The following BMP2K variants were observed in gnomAD, a reference collection of about 807,000 sequenced individuals.
The protein encoded by BMP2K is BMP-2-inducible protein kinase.
A neutral mutation model predicts 116.0 loss-of-function variants in BMP2K; 74 were observed. The observed-to-expected ratio is 0.64, with a 90% CI of 0.53 to 0.77. The LOEUF (loss-of-function observed/expected upper bound fraction) is 0.77. Ranked by LOEUF, BMP2K falls within the 30% of genes least tolerant of loss-of-function variation. BMP2K has a pLI of 0.00. For synonymous variants in BMP2K, 486 were observed against 502.5 expected (o/e 0.97, Z 0.44); for missense variants, 1,365 against 1,403.6 (o/e 0.97, Z 0.44).
At chr4:78,794,156 C>G (rs1422562042) in intron 1 of BMP2K, among the ~76,000 whole-genome samples, 1 of 152,080 alleles carries the variant, frequency 6.6e-6, no homozygotes, top group African/African-American at 2.4e-5. Context: ...CTTGTAGTTA[C>G]TTGGGTACTG....
chr4:78,895,898 A>C (rs748088740), intron 15 of BMP2K, among the ~76,000 whole-genome samples: 2 of 152,000 alleles, frequency 1.3e-5, no homozygotes, highest in Non-Finnish European at 2.9e-5. Flanking sequence ...AGAAGCCTGG[A>C]CTACAAGCAG....
At chr4:78,812,279 A>AT (rs1458637025) in intron 1 of BMP2K, among the ~76,000 whole-genome samples, 1 of 151,784 alleles carries the variant, frequency 6.6e-6, no homozygotes, top group Admixed American at 6.6e-5. Flanking sequence ...TTTAATGGGA[A>AT]TTTTTTTTTA....
At chr4:78,797,946 T>C (rs1387736532) in intron 1 of BMP2K, among the ~76,000 whole-genome samples, 1 of 152,088 alleles carries the variant, frequency 6.6e-6, no homozygotes, top group East Asian at 1.9e-4. Flanking sequence ...TCCTCCTCAT[T>C]TGGGACCACA....
At chr4:78,779,451 A>C (rs1727401133) in intron 1 of BMP2K, among the ~76,000 whole-genome samples, 1 of 152,254 alleles carries the variant, frequency 6.6e-6, no homozygotes. Flanking sequence ...AATAGCAAGC[A>C]CAAAAATGAG....
intron 7 of BMP2K, among the ~76,000 whole-genome samples, chr4:78,854,625 T>C (rs1731413178): frequency 6.6e-6 from 1 of 152,106 alleles, no homozygotes; most frequent in African/African-American, 2.4e-5. Context: ...CTCAACCTTC[T>C]GGGCTCAGCT....
intron 1 of BMP2K, among the ~76,000 whole-genome samples, chr4:78,790,426 G>A (rs1048232594): frequency 3.3e-5 from 5 of 152,028 alleles, no homozygotes; most frequent in African/African-American, 9.7e-5. Flanking sequence ...AATTACATTC[G>A]TAATAGCAAA....
intron 1 of BMP2K, among the ~76,000 whole-genome samples, chr4:78,783,676 C>G (rs979159021): frequency 2.0e-5 from 3 of 152,072 alleles, no homozygotes; most frequent in African/African-American, 7.2e-5. Flanking sequence ...CATAGTGGCA[C>G]GTGCCTATAA....
intron 3 of BMP2K, among the ~76,000 whole-genome samples, chr4:78,836,272 C>T (rs1247997470): frequency 6.6e-6 from 1 of 151,942 alleles, no homozygotes; most frequent in Admixed American, 6.5e-5. Context: ...AAAAAATTAG[C>T]TGGGCGTAGT....
intron 15 of BMP2K, among the ~76,000 whole-genome samples, chr4:78,908,135 G>A (rs114332531): frequency 6.6e-6 from 1 of 152,330 alleles, no homozygotes; most frequent in African/African-American, 2.4e-5. Context: ...AATACAGCAT[G>A]TAGCTCTTGG....
rs200974779 is a variant in BMP2K at position 78,792,663 on chromosome 4, A to AT, written c.178+15954dup. On this transcript the variant is annotated intron_variant, in intron 1 of 15. Coordinates refer to ENST00000502613, the MANE Select transcript of BMP2K (RefSeq NM_198892.2). ...ACAGGTGATAATATGAACAAATGTG[A>AT]TTTTTTTTTTTTAAATTCTGTAATG... 5.8e-3 allele frequency among the ~76,000 whole-genome samples: 854 copies of AT among 148,062 alleles called. 23 individuals carry two copies. The highest frequency in any genetic ancestry group is 0.034 in the Admixed American group (499 of 14,836).
intron 2 of BMP2K, among the ~76,000 whole-genome samples, chr4:78,827,892 C>T (rs1016832896): frequency 1.3e-5 from 2 of 152,244 alleles, no homozygotes; most frequent in Non-Finnish European, 2.9e-5. Context: ...TTGGAACTGT[C>T]GTCTGTAAAC....
intron 7 of BMP2K, among the ~76,000 whole-genome samples, chr4:78,854,163 C>CTTT (rs765059261): frequency 8.9e-6 from 1 of 112,424 alleles, no homozygotes. Flanking sequence ...CAGGTAAAAG[C>CTTT]TTTTTTTTTT....
intron 1 of BMP2K, among the ~76,000 whole-genome samples, chr4:78,783,146 T>G (rs1727586783): frequency 6.6e-6 from 1 of 152,214 alleles, no homozygotes; most frequent in South Asian, 2.1e-4. Context: ...CATTTGTGTT[T>G]GAAAAATATC....
chr4:78,823,636 AGTTATG>A (rs1449058670), intron 1 of BMP2K, among the ~76,000 whole-genome samples: 18 of 148,750 alleles, frequency 1.2e-4, no homozygotes, highest in African/African-American at 4.0e-4. Flanking sequence ...ATAGTTATAT[AGTTATG>A]TCTGTATATC....
Position 78,912,450 on chromosome 4 carries a change from AT to A in BMP2K, c.*425del, listed in dbSNP as rs542295644. 331 of 157,618 alleles carry A rather than the reference AT, an allele frequency of 2.1e-3. 1 individual carries two copies. Among genetic ancestry groups the A allele is most frequent in the African/African-American group, 7.5e-3 (313 of 41,644 alleles). The allele number at this position is 157,618 out of a possible 1,614,324, so 9.8% of individuals were successfully genotyped here. A position where few individuals can be genotyped will look rare whatever the true frequency, so the allele number is the denominator to read the frequency against. ...CTACATACACTAGTTACACTTGTGA[AT>A]TTTTTTTAAGGTCTCTTTTAATTTC... On this transcript the variant is annotated 3_prime_UTR_variant, in exon 16 of 16. Transcript: ENST00000502613.
intron 14 of BMP2K, among the ~76,000 whole-genome samples, chr4:78,883,031 T>C (rs569976519): frequency 5.9e-5 from 9 of 152,118 alleles, no homozygotes; most frequent in Non-Finnish European, 1.3e-4. Flanking sequence ...ATTAACTTTG[T>C]AGACTATTTT....
At chr4:78,790,187 A>C (rs1050719822) in intron 1 of BMP2K, among the ~76,000 whole-genome samples, 1 of 152,216 alleles carries the variant, frequency 6.6e-6, no homozygotes, top group Admixed American at 6.5e-5. Flanking sequence ...ATTTTTATAC[A>C]CAGGCAAGTA....
At chr4:78,892,141 G>C (rs1460926720) in intron 15 of BMP2K, among the ~76,000 whole-genome samples, 1 of 152,108 alleles carries the variant, frequency 6.6e-6, no homozygotes, top group Non-Finnish European at 1.5e-5. Context: ...TGTACTTTCT[G>C]TAAGAGTTAG....
At chr4:78,862,873 T>C (rs1250278388) in intron 9 of BMP2K, among the ~76,000 whole-genome samples, 2 of 152,152 alleles carry the variant, frequency 1.3e-5, no homozygotes, top group East Asian at 3.8e-4. Context: ...ATTGGTCTTA[T>C]CTATGACATA....
Sources: allele counts gnomAD v4.1 joint callset (sites outside exome capture counted in the v4.1 genomes callset), GRCh38; gene constraint gnomAD v4.1.1; transcripts MANE v1.5; gene names NCBI Gene and HGNC (gene_info 2026-07-23, HGNC 2026-07-21).